Variants in BMAL1 observed in about 807,000 individuals in gnomAD.
BMAL1 encodes the protein basic helix-loop-helix ARNT like 1, also known as basic helix-loop-helix ARNT-like protein 1.
chr11:13,323,923 T>C, the BMAL1 span, among the ~76,000 whole-genome samples: 1 of 152,252 alleles, frequency 6.6e-6, no homozygotes, highest in African/African-American at 2.4e-5. Flanking sequence ...GGCCAATTTA[T>C]TTATTTTTAA....
chr11:13,315,990 C>T, the BMAL1 span, among the ~76,000 whole-genome samples: 1 of 152,236 alleles, frequency 6.6e-6, no homozygotes, highest in Admixed American at 6.5e-5. Flanking sequence ...GCTGAGGAAA[C>T]ATCTGTGCCT....
At chr11:13,365,156 G>C in the BMAL1 span, among the ~76,000 whole-genome samples, 1 of 152,126 alleles carries the variant, frequency 6.6e-6, no homozygotes. Flanking sequence ...GTTATTATTA[G>C]AGCAATGAAA....
chr11:13,324,944 G>A, the BMAL1 span, among the ~76,000 whole-genome samples: 1 of 152,218 alleles, frequency 6.6e-6, no homozygotes, highest in African/African-American at 2.4e-5. Flanking sequence ...TAGGAGGGAG[G>A]CAGCAGAATT....
the BMAL1 span, among the ~76,000 whole-genome samples, chr11:13,299,281 C>T: frequency 1.3e-5 from 2 of 152,160 alleles, no homozygotes; most frequent in South Asian, 4.1e-4. Context: ...TTTGGCTACT[C>T]AGGCTTTGAG....
chr11:13,304,130 C>T, the BMAL1 span, among the ~76,000 whole-genome samples: 8 of 152,068 alleles, frequency 5.3e-5, no homozygotes, highest in South Asian at 1.0e-3. Context: ...GAAGGAGGAA[C>T]GACAGGATCT....
the BMAL1 span, among the ~76,000 whole-genome samples, chr11:13,307,326 CAA>C: frequency 1.3e-5 from 2 of 152,170 alleles, no homozygotes; most frequent in Non-Finnish European, 2.9e-5. Context: ...AAGTGAATGA[CAA>C]GAGGTGTCAA....
the BMAL1 span, among the ~76,000 whole-genome samples, chr11:13,330,476 C>A: frequency 2.0e-5 from 3 of 152,234 alleles, no homozygotes; most frequent in African/African-American, 7.2e-5. Context: ...TACATCATTG[C>A]AGAGCATGCC....
chr11:13,349,895 A>G, the BMAL1 span: 1 of 152,106 alleles, frequency 6.6e-6, no homozygotes, highest in Admixed American at 6.5e-5. Context: ...ACATTTACTT[A>G]CCTCAAAGTG....
At chr11:13,381,143 A>G in the BMAL1 span, 2 of 1,611,748 alleles carry the variant, frequency 1.2e-6, no homozygotes, top group African/African-American at 2.7e-5. Flanking sequence ...AAGGCAGTGT[A>G]ATTCTCTTTT....
chr11:13,386,089 A>G, the BMAL1 span, among the ~76,000 whole-genome samples: 1 of 152,226 alleles, frequency 6.6e-6, no homozygotes, highest in African/African-American at 2.4e-5. Context: ...TTCAGAGATA[A>G]TGCCTAGAAG....
At chr11:13,313,020 C>T in the BMAL1 span, among the ~76,000 whole-genome samples, 7 of 152,174 alleles carry the variant, frequency 4.6e-5, no homozygotes, top group Non-Finnish European at 1.0e-4. Flanking sequence ...ACAGTGAGCT[C>T]GTTGGGGGTA....
chr11:13,350,267 A>G, the BMAL1 span, among the ~76,000 whole-genome samples: 1 of 152,216 alleles, frequency 6.6e-6, no homozygotes, highest in Non-Finnish European at 1.5e-5. Flanking sequence ...TGCATGGCCC[A>G]AGGGGGCCAG....
At chr11:13,379,889 T>A in the BMAL1 span, 1 of 152,214 alleles carries the variant, frequency 6.6e-6, no homozygotes, top group Non-Finnish European at 1.5e-5. Flanking sequence ...GGAAGAAACC[T>A]GTAAGACCCC....
At chr11:13,355,310 G>T in the BMAL1 span, 1 of 1,613,464 alleles carries the variant, frequency 6.2e-7, no homozygotes, top group Non-Finnish European at 8.5e-7. Context: ...AGTTATCCCA[G>T]ATGATTAAGA....
At chr11:13,329,264 G>A in the BMAL1 span, among the ~76,000 whole-genome samples, 6 of 152,202 alleles carry the variant, frequency 3.9e-5, no homozygotes, top group South Asian at 2.1e-4. Context: ...TGACCCCCCC[G>A]GTCCCAAGTT....
the BMAL1 span, among the ~76,000 whole-genome samples, chr11:13,356,006 C>T: frequency 6.6e-6 from 1 of 152,178 alleles, no homozygotes; most frequent in African/African-American, 2.4e-5. Context: ...GGATTTGGAA[C>T]TCCTTCCTCT....
the BMAL1 span, among the ~76,000 whole-genome samples, chr11:13,358,274 G>A: frequency 3.9e-5 from 6 of 152,132 alleles, no homozygotes; most frequent in African/African-American, 1.4e-4. Flanking sequence ...CCATTTTCTT[G>A]GAGACTTTAG....
At chr11:13,290,559 A>ATATTATTATTATTAT in the BMAL1 span, among the ~76,000 whole-genome samples, 3 of 149,054 alleles carry the variant, frequency 2.0e-5, no homozygotes, top group Admixed American at 6.7e-5. Flanking sequence ...ACAAGTGTAT[A>ATATTATTATTATTAT]TATTATTATT....
chr11:13,350,268 AG>A, the BMAL1 span, among the ~76,000 whole-genome samples: 2 of 152,204 alleles, frequency 1.3e-5, no homozygotes, highest in East Asian at 1.9e-4. Flanking sequence ...GCATGGCCCA[AG>A]GGGGCCAGGG....
Sources: gnomAD v4.1 joint callset for allele counts (sites outside exome capture counted in the v4.1 genomes callset) on GRCh38, gnomAD v4.1.1 for gene constraint, MANE v1.5 for transcripts, NCBI Gene and HGNC (gene_info 2026-07-23, HGNC 2026-07-21) for gene names.